PRDM5: variants seen among roughly 807,000 people sequenced by gnomAD.
PRDM5 encodes the protein PR/SET domain 5, also known as PR domain zinc finger protein 5.
A neutral mutation model predicts 81.2 loss-of-function variants in PRDM5; 56 were observed. That is an observed-to-expected ratio of 0.69 (90% CI 0.56 to 0.86). PRDM5 has a LOEUF of 0.86. Among genes scored for constraint, PRDM5 ranks in the 40% least tolerant of loss-of-function variants. PRDM5 has a pLI of 0.00. For synonymous variants in PRDM5, 267 were observed against 256.4 expected (o/e 1.04, Z -0.39); for missense variants, 697 against 770.1 (o/e 0.91, Z 1.12).
chr4:120,721,029 C>T (rs763385127), intron 14 of PRDM5, among the ~76,000 whole-genome samples: 1 of 152,178 alleles, frequency 6.6e-6, no homozygotes, highest in Non-Finnish European at 1.5e-5. Context: ...TTAATCCACT[C>T]TGAGGCCCAC....
At chr4:120,909,253 A>T (rs1766200185) in intron 1 of PRDM5, among the ~76,000 whole-genome samples, 1 of 152,138 alleles carries the variant, frequency 6.6e-6, no homozygotes, top group Admixed American at 6.5e-5. Context: ...ACCCTGACAG[A>T]CAGCTGCATG....
At chr4:120,755,431 G>C (rs958100167) in intron 13 of PRDM5, among the ~76,000 whole-genome samples, 11 of 152,294 alleles carry the variant, frequency 7.2e-5, no homozygotes, top group Non-Finnish European at 1.3e-4. Flanking sequence ...TACTTACACA[G>C]CAGGATGCTA....
intron 14 of PRDM5, among the ~76,000 whole-genome samples, chr4:120,712,228 G>T (rs1352891276): frequency 2.0e-5 from 3 of 152,184 alleles, no homozygotes; most frequent in African/African-American, 7.2e-5. Context: ...GGAGGTTGCA[G>T]TGAGCCAAGA....
rs1019852698 is a variant in PRDM5 at position 120,849,470 on chromosome 4, C to A, written c.300+3948G>T. ...TGGCTCAATACCCAGTGCCTTCTCA[C>A]CTCATTTAGACCATCCTCACATCCT... On this transcript the variant is annotated intron_variant, in intron 3 of 15. Transcript: ENST00000264808. 3.2e-4 allele frequency among the ~76,000 whole-genome samples: 48 copies of A among 152,232 alleles called. 1 individual carries two copies. Among genetic ancestry groups the A allele is most frequent in the African/African-American group, 1.1e-3 (46 of 41,532 alleles).
intron 2 of PRDM5, among the ~76,000 whole-genome samples, chr4:120,906,172 T>C (rs893913783): frequency 6.6e-6 from 1 of 152,040 alleles, no homozygotes; most frequent in Admixed American, 6.6e-5. Context: ...TGGGTTGCTA[T>C]GTCGCTCTGG....
At chr4:120,882,147 G>T (rs1762911377) in intron 2 of PRDM5, among the ~76,000 whole-genome samples, 1 of 152,168 alleles carries the variant, frequency 6.6e-6, no homozygotes, top group Non-Finnish European at 1.5e-5. Flanking sequence ...CTGCAGAAAA[G>T]CACAGCAATG....
chr4:120,740,647 G>C (rs1741788291), intron 14 of PRDM5, among the ~76,000 whole-genome samples: 1 of 152,098 alleles, frequency 6.6e-6, no homozygotes, highest in African/African-American at 2.4e-5. Flanking sequence ...ATATGTGCCT[G>C]ACTCTCAGAT....
chr4:120,853,292 G>A, intron 3 of PRDM5, 126 bp downstream of exon 3: 1 of 1,413,416 alleles, frequency 7.1e-7, no homozygotes, highest in South Asian at 1.2e-5. Flanking sequence ...AGATTTCTCT[G>A]CTTTTATGAG....
intron 1 of PRDM5, among the ~76,000 whole-genome samples, chr4:120,920,600 T>C (rs906069899): frequency 6.6e-6 from 1 of 152,204 alleles, no homozygotes; most frequent in African/African-American, 2.4e-5. Context: ...TCCTCAGATT[T>C]TGGAAGGAAA....
intron 15 of PRDM5, among the ~76,000 whole-genome samples, chr4:120,709,147 C>G (rs6841589): frequency 0.25 from 38,309 of 152,028 alleles, 5,024 homozygotes; most frequent in Non-Finnish European, 0.28. Context: ...AGTTAAATGT[C>G]ATGGTAGAAA....
chr4:120,840,282 G>C (rs1757863569), intron 3 of PRDM5, among the ~76,000 whole-genome samples: 2 of 152,304 alleles, frequency 1.3e-5, no homozygotes, highest in Admixed American at 1.3e-4. Flanking sequence ...CCTGTGCTCA[G>C]GGACAGCCTG....
chr4:120,911,512 A>ACTT (rs1766504415), intron 1 of PRDM5, among the ~76,000 whole-genome samples: 1 of 152,208 alleles, frequency 6.6e-6, no homozygotes, highest in Non-Finnish European at 1.5e-5. Context: ...TATTCACTGG[A>ACTT]CTAGACAGTA....
At chr4:120,916,881 G>A (rs993998285) in intron 1 of PRDM5, among the ~76,000 whole-genome samples, 1 of 152,150 alleles carries the variant, frequency 6.6e-6, no homozygotes, top group African/African-American at 2.4e-5. Context: ...CACTATCTTG[G>A]TCTAAACTGC....
chr4:120,687,762 G>A (rs1733890429), downstream of PRDM5, among the ~76,000 whole-genome samples: 1 of 152,096 alleles, frequency 6.6e-6, no homozygotes, highest in African/African-American at 2.4e-5. Flanking sequence ...GTGAATTAAT[G>A]CCACTATTGT....
chr4:120,818,118 CAG>C, intron 5 of PRDM5: 2 of 477,560 alleles, frequency 4.2e-6, no homozygotes, highest in South Asian at 2.7e-5. Flanking sequence ...TTACCATAAA[CAG>C]TGTTTATGTG....
chr4:120,884,124 T>A (rs1348802847), intron 2 of PRDM5, among the ~76,000 whole-genome samples: 1 of 152,168 alleles, frequency 6.6e-6, no homozygotes, highest in Admixed American at 6.5e-5. Context: ...CTGCATATAT[T>A]GAAATAAGAG....
chr4:120,911,041 T>C (rs1477827533), intron 1 of PRDM5, among the ~76,000 whole-genome samples: 1 of 152,188 alleles, frequency 6.6e-6, no homozygotes, highest in Non-Finnish European at 1.5e-5. Context: ...TCTTCACTTC[T>C]ATCTCAAGAG....
intron 15 of PRDM5, among the ~76,000 whole-genome samples, chr4:120,698,630 T>C (rs779376987): frequency 2.0e-5 from 3 of 152,196 alleles, no homozygotes; most frequent in African/African-American, 7.2e-5. Flanking sequence ...GATAGTTCAC[T>C]GGTACTCCAA....
At chr4:120,786,893 A>G (rs1749832439) in intron 10 of PRDM5, among the ~76,000 whole-genome samples, 1 of 152,204 alleles carries the variant, frequency 6.6e-6, no homozygotes, top group Non-Finnish European at 1.5e-5. Context: ...AATTTCATTC[A>G]TCGTTTTATT....
Sources: allele counts gnomAD v4.1 joint callset (sites outside exome capture counted in the v4.1 genomes callset), GRCh38; gene constraint gnomAD v4.1.1; transcripts MANE v1.5; gene names NCBI Gene and HGNC (gene_info 2026-07-23, HGNC 2026-07-21).